The following SPTBN2 variants were observed in gnomAD, a reference collection of about 807,000 sequenced individuals.
The protein encoded by SPTBN2 is spectrin beta, non-erythrocytic 2.
SPTBN2 carries 107 observed loss-of-function variants against 284.2 expected under a neutral mutation model. The observed-to-expected ratio is 0.38, with a 90% CI of 0.32 to 0.44. The LOEUF (loss-of-function observed/expected upper bound fraction) is 0.44. Ranked by LOEUF, SPTBN2 falls within the 20% of genes least tolerant of loss-of-function variation. The pLI is 1.00. For missense variants in SPTBN2, 2,569 were observed against 3,287.1 expected, an observed-to-expected ratio of 0.78 and a Z score of 5.34; for synonymous variants, 1,289 against 1,354.8, an observed-to-expected ratio of 0.95 and a Z score of 1.07.
In SPTBN2 at chr11:66,699,078, T is replaced by G; in HGVS notation, c.3781A>C (p.Lys1261Gln). Residue 1261 changes from lysine (K) to glutamine (Q), a missense_variant, in exon 19 of 38, where the codon AAG becomes CAG. Transcript: ENST00000533211. Reference sequence around the variant, plus strand: ...TGCTGCGCTGCGTCTTGATTCTTCTTGTGCCTGGAACGACACCCTCTTGTG... The same window carrying G: ...TGCTGCGCTGCGTCTTGATTCTTCTGGTGCCTGGAACGACACCCTCTTGTG... ...EKADSIERRH[K>Q]KNQDAAQQFL... is the part of the protein sequence containing the mutation. 6.2e-7 allele frequency: 1 copy of G among 1,614,224 alleles called. No individual in the cohort carries two copies. Among genetic ancestry groups the G allele is most frequent in the Non-Finnish European group, 8.5e-7 (1 of 1,180,048 alleles).
chr11:66,686,704 C>CA lies in SPTBN2; in HGVS notation c.6897-265dup, dbSNP rs1202080659. 97 of 630,876 alleles carry CA rather than the reference C, an allele frequency of 1.5e-4. 1 individual carries two copies. The South Asian group carries it at 1.9e-3, about 12-fold the overall frequency. 39.1% of individuals were successfully genotyped at this position (630,876 alleles called of 1,614,324 possible). On this transcript the variant is annotated intron_variant, in intron 36 of 37. Coordinates refer to ENST00000533211, the MANE Select transcript of SPTBN2 (RefSeq NM_006946.4). The stretch of plus-strand genomic sequence containing the variant: ...CCGGCTGCTTGCTGGCAGGCAGGGA[C>CA]AGGCCCCTGGAGGTCTTCCCAGATC...
rs990375605 is a variant in SPTBN2 at position 66,688,035 on chromosome 11, T to G, written c.6419A>C (p.Asn2140Thr). 1 of 1,614,084 alleles carries G rather than the reference T, an allele frequency of 6.2e-7. No homozygotes were observed. Among genetic ancestry groups the G allele is most frequent in the Non-Finnish European group, 8.5e-7 (1 of 1,180,050 alleles). The change falls in exon 33 of 38, where the codon AAT becomes ACT. Residue 2140 changes from asparagine (N) to threonine (T), a missense_variant. Transcript: ENST00000533211. ...PPPSTQAPSV[N>T]GVCTDGEPSQ... is the part of the protein sequence containing the mutation. The stretch of plus-strand genomic sequence containing the variant: ...GGGCTCTCCATCTGTGCAGACTCCA[T>G]TAACACTGGGTGCTTGTGTGGATGG...
chr11:66,716,307 C>T (rs1942146548), intron 3 of SPTBN2, among the ~76,000 whole-genome samples: 1 of 152,006 alleles, frequency 6.6e-6, no homozygotes. Flanking sequence ...CACGGTGAAA[C>T]CCCGTCTCTA....
rs1263412809 is a variant in SPTBN2, at chr11:66,703,757, AT to A, written c.2678+840del. Reference sequence around the variant, plus strand: ...ATCTCAAAAAAAAAAGAAATTCCTAATTTTGTTCTATGTGATAATGGTATTG... The same window carrying A: ...ATCTCAAAAAAAAAAGAAATTCCTAATTTGTTCTATGTGATAATGGTATTG... On this transcript the variant is annotated intron_variant, in intron 15 of 37. Coordinates refer to ENST00000533211, the MANE Select transcript of SPTBN2 (RefSeq NM_006946.4). 3.9e-5 allele frequency among the ~76,000 whole-genome samples: 6 copies of A among 151,904 alleles called. No individual in the cohort carries two copies. In the East Asian group the frequency reaches 7.8e-4, roughly 20 times the overall value.
intron 1 of SPTBN2, among the ~76,000 whole-genome samples, chr11:66,741,515 G>C (rs866596388): frequency 2.0e-5 from 3 of 152,178 alleles, no homozygotes; most frequent in Non-Finnish European, 4.4e-5. Context: ...TAAATTCTGA[G>C]GTGGGTGCAG....
At chr11:66,744,074 T>A (rs542779729) in intron 1 of SPTBN2, among the ~76,000 whole-genome samples, 109 of 152,240 alleles carry the variant, frequency 7.2e-4, no homozygotes, top group Non-Finnish European at 1.2e-3. Flanking sequence ...TTGGCCAGGC[T>A]GGTCTCGAAC....
intron 15 of SPTBN2, among the ~76,000 whole-genome samples, chr11:66,702,862 C>A (rs1405237323): frequency 7.6e-6 from 1 of 130,934 alleles, no homozygotes; most frequent in Non-Finnish European, 1.6e-5. Flanking sequence ...GGCGTGAACC[C>A]GGGCGGCGGA....
rs754325909 is a variant in SPTBN2, at chr11:66,693,050, T to C, written c.4905A>G (p.Gln1635=). The C allele has an allele frequency of 2.5e-6, 4 of 1,613,830 alleles. No individual in the cohort carries two copies. The East Asian group carries it at 8.9e-5, about 36-fold the overall frequency. The change falls in exon 25 of 38, where the codon CAA becomes CAG. Residue 1635 remains glutamine, a synonymous_variant. Transcript: ENST00000533211. This position sits in a 1 kb window ranked among gnomAD's most constrained non-coding sequence, Gnocchi z 5.7. ...AEVKKHQVLE[Q]ALADYAQTIH... is the part of the protein sequence containing the mutation. ...TGGTCTGCGCGTAGTCGGCCAGGGC[T>C]TGCTCCAGCACCTGGTGCTTCTTCA...
At position 66,689,948 on chromosome 11, in the gene SPTBN2, G is replaced by T. The variant is rs370483753; in HGVS notation, c.5811-5C>A. ...AGATCCGCGGAGGACACATCCCTGGGGGGAGGCAGAAACAGCATCACCTGC... is the reference window on the plus strand; with the variant it reads ...AGATCCGCGGAGGACACATCCCTGGTGGGAGGCAGAAACAGCATCACCTGC... On this transcript the variant is annotated splice_polypyrimidine_tract_variant and splice_region_variant and intron_variant, in intron 28 of 37. Coordinates refer to ENST00000533211, the MANE Select transcript of SPTBN2 (RefSeq NM_006946.4). The T allele has an allele frequency of 9.9e-6, 16 of 1,613,662 alleles. No homozygotes were observed. The highest frequency in any genetic ancestry group is 1.4e-5 in the Non-Finnish European group (16 of 1,179,926).
Position 66,687,307 on chromosome 11 carries a change from G to A in SPTBN2, c.6722+120C>T, listed in dbSNP as rs1425614014. On this transcript the variant is annotated intron_variant, in intron 35 of 37. Transcript: ENST00000533211. The surrounding 1 kb of genome is among the most constrained non-coding windows in gnomAD (Gnocchi z 5.2). ...CCCTCTGGTCCTCCCCTGAGGCCCC[G>A]CTCTGGTCCCAAGTCCTACCCTTTG... 13 of 1,544,530 alleles carry A rather than the reference G, an allele frequency of 8.4e-6. No individual in the cohort carries two copies. The highest frequency in any genetic ancestry group is 2.7e-5 in the African/African-American group (2 of 73,690).
At position 66,694,150 on chromosome 11, in the gene SPTBN2, C is replaced by A; in HGVS notation, c.4492G>T (p.Glu1498Ter). 1 of 1,607,420 alleles carries A rather than the reference C, an allele frequency of 6.2e-7. No individual in the cohort carries two copies. Among genetic ancestry groups the A allele is most frequent in the Non-Finnish European group, 8.5e-7 (1 of 1,180,016 alleles). The change falls in exon 22 of 38, where the codon GAA (glutamate) becomes TAA (stop). Residue 1498 changes from glutamate to a stop codon, truncating the protein, a stop_gained. Transcript: ENST00000533211. LOFTEE classifies it high-confidence loss of function. ...CCCCAGTGACTCACAATCTCATCTT[C>A]CACATCGCGGTGGAACTGGTGCTGC... ...REQHQFHRDVEDEILWVTERL... is the reference protein window; with the variant it reads ...REQHQFHRDV
chr11:66,691,723 G>A lies in SPTBN2; in HGVS notation c.5191-65C>T, dbSNP rs553464473. The A allele has an allele frequency of 1.1e-5, 18 of 1,606,582 alleles. No individual in the cohort carries two copies. Among genetic ancestry groups the A allele is most frequent in the South Asian group, 6.6e-5 (6 of 90,768 alleles). ...TAGGGGATGTGGTCCCTGCCTGATG[G>A]AGCGAGTCCTCCACTCCAAACTCAG... On this transcript the variant is annotated intron_variant, in intron 26 of 37. Coordinates refer to ENST00000533211, the MANE Select transcript of SPTBN2 (RefSeq NM_006946.4). This position sits in a 1 kb window ranked among gnomAD's most constrained non-coding sequence, Gnocchi z 8.0.
At position 66,688,721 on chromosome 11, in the gene SPTBN2, G is replaced by C; in HGVS notation, c.6163C>G (p.His2055Asp). 1 of 1,613,842 alleles carries C rather than the reference G, an allele frequency of 6.2e-7. No homozygotes were observed. The highest frequency in any genetic ancestry group is 8.5e-7 in the Non-Finnish European group (1 of 1,180,030). ...VDEVESLIKR[H>D]EAFQKSAVAW... ...ACTGCTGACTTCTGGAAGGCCTCGT[G>C]CCGCTTGATGAGGCTCTCAACTTCG... is the stretch of plus-strand genomic sequence containing the variant. The change falls in exon 31 of 38, where the codon CAC becomes GAC. Residue 2055 changes from histidine (H) to aspartate (D), a missense_variant. This residue lies in a region of SPTBN2 where 1,130 missense variants were observed against 1,317.3 expected (regional missense o/e 0.86). Coordinates refer to ENST00000533211, the MANE Select transcript of SPTBN2 (RefSeq NM_006946.4).
intron 1 of SPTBN2, among the ~76,000 whole-genome samples, chr11:66,735,344 GAA>G (rs558290439): frequency 0.011 from 1,608 of 144,128 alleles, 37 homozygotes; most frequent in African/African-American, 0.038. Flanking sequence ...AAAAAAAAAA[GAA>G]AAAAAAAAAT....
chr11:66,705,242 G>A lies in SPTBN2; in HGVS notation c.2034C>T (p.Arg678=). ...GCAGGGCTGTGTGCTTGTTGAGCAG[G>A]CGGAGGGCACCGGTCAGGTCTCGGC... ...DTGRDLTGAL[R]LLNKHTALRG... Residue 678 remains arginine, a synonymous_variant, in exon 15 of 38, where the codon CGC becomes CGT. Coordinates refer to ENST00000533211, the MANE Select transcript of SPTBN2 (RefSeq NM_006946.4). 6.4e-7 allele frequency: 1 copy of A among 1,565,066 alleles called. No individual in the cohort carries two copies. The highest frequency in any genetic ancestry group is 1.1e-5 in the South Asian group (1 of 87,190).
In SPTBN2 at chr11:66,709,092, T is replaced by C. The variant is rs570079235; in HGVS notation, c.1074-73A>G. ...CACAAGGACTCTTTACTCTTCCAAA[T>C]GGGTGTCCTGTGTTGCTTTTCTTCT... On this transcript the variant is annotated intron_variant, in intron 10 of 37. Coordinates refer to ENST00000533211, the MANE Select transcript of SPTBN2 (RefSeq NM_006946.4). The C allele has an allele frequency of 8.9e-6, 11 of 1,232,780 alleles. No individual in the cohort carries two copies. The South Asian group carries it at 1.2e-4, about 13-fold the overall frequency. 76.4% of individuals were successfully genotyped at this position (1,232,780 alleles called of 1,614,324 possible). A position where few individuals can be genotyped will look rare whatever the true frequency, so the allele number is the denominator to read the frequency against.
Position 66,699,130 on chromosome 11 carries a change from T to C in SPTBN2, c.3777-48A>G, listed in dbSNP as rs774173293. The C allele has an allele frequency of 2.4e-5, 38 of 1,610,476 alleles. No individual in the cohort carries two copies. In the East Asian group the frequency reaches 3.3e-4, roughly 14 times the overall value. On this transcript the variant is annotated intron_variant, in intron 18 of 37. Transcript: ENST00000533211. ...AACTCTGGAATTTGCTGTGAAAGGA[T>C]TGTGACCCTTTGGCTAACCTAGGGG... is the stretch of plus-strand genomic sequence containing the variant.
chr11:66,700,420 G>A lies in SPTBN2; in HGVS notation c.3573+106C>T. ...AATTTCAGGTGTGAACCACTGCGCTGCCCCATTTTGCTAGCATGTCCTTCC... is the reference window on the plus strand; with the variant it reads ...AATTTCAGGTGTGAACCACTGCGCTACCCCATTTTGCTAGCATGTCCTTCC... On this transcript the variant is annotated intron_variant, in intron 17 of 37. Coordinates refer to ENST00000533211, the MANE Select transcript of SPTBN2 (RefSeq NM_006946.4). The surrounding 1 kb of genome is among the most constrained non-coding windows in gnomAD (Gnocchi z 6.6). 6.7e-7 allele frequency: 1 copy of A among 1,501,326 alleles called. No homozygotes were observed. Among genetic ancestry groups the A allele is most frequent in the Non-Finnish European group, 9.1e-7 (1 of 1,097,560 alleles). 93.0% of individuals were successfully genotyped at this position (1,501,326 alleles called of 1,614,324 possible).
At chr11:66,714,770 G>A (rs1174510147) in intron 5 of SPTBN2, among the ~76,000 whole-genome samples, 1 of 152,162 alleles carries the variant, frequency 6.6e-6, no homozygotes, top group Non-Finnish European at 1.5e-5. Flanking sequence ...GGGTGATCAG[G>A]AACGCTGTGA....
Sources: allele counts gnomAD v4.1 joint callset (sites outside exome capture counted in the v4.1 genomes callset), GRCh38; gene constraint gnomAD v4.1.1; regional missense constraint gnomAD v4.1.1; non-coding constraint Gnocchi (gnomAD v3.1); transcripts MANE v1.5; gene names NCBI Gene and HGNC (gene_info 2026-07-23, HGNC 2026-07-21).